The following AP3B1 variants were observed in gnomAD, a reference collection of about 807,000 sequenced individuals.
AP3B1 encodes the protein adaptor related protein complex 3 subunit beta 1.
AP3B1 carries 61 observed loss-of-function variants against 132.5 expected under a neutral mutation model. The observed-to-expected ratio is 0.46, with a 90% CI of 0.37 to 0.57. The LOEUF is 0.57. Ranked by LOEUF, AP3B1 falls within the 20% of genes least tolerant of loss-of-function variation. AP3B1 has a pLI of 0.00. For missense variants in AP3B1, 1,120 were observed against 1,289.4 expected, an observed-to-expected ratio of 0.87 and a Z score of 2.01; for synonymous variants, 388 against 438.3, an observed-to-expected ratio of 0.89 and a Z score of 1.43.
At position 78,168,751 on chromosome 5, in the gene AP3B1, T is replaced by C. The variant is rs532503946; in HGVS notation, c.1168-3079A>G. Among the ~76,000 whole-genome samples, 29 of 152,248 alleles carry C rather than the reference T, an allele frequency of 1.9e-4. No homozygotes were observed. The South Asian group carries it at 5.6e-3, about 29-fold the overall frequency. On this transcript the variant is annotated intron_variant, in intron 11 of 26. Coordinates refer to ENST00000255194, the MANE Select transcript of AP3B1 (RefSeq NM_003664.5). ...AAACTGATGCATTACTTTCACACAA[T>C]TGTCACTATGCACGTAAGTTTCAAT...
chr5:78,002,983 G>A lies in AP3B1; in HGVS notation c.3204C>T (p.Ala1068=). ...VTVELKEGST[A]QLIINTEKTV... Reference sequence around the variant, plus strand: ...TTTTCTCAGTGTTTATGATAAGCTGGGCTGTAGAGCCTTCCTTCAGTTCCA... The same window carrying A: ...TTTTCTCAGTGTTTATGATAAGCTGAGCTGTAGAGCCTTCCTTCAGTTCCA... Residue 1068 remains alanine, a synonymous_variant, in exon 27 of 27, where the codon GCC becomes GCT. Coordinates refer to ENST00000255194, the MANE Select transcript of AP3B1 (RefSeq NM_003664.5). 6.2e-7 allele frequency: 1 copy of A among 1,614,150 alleles called. No individual in the cohort carries two copies. The highest frequency in any genetic ancestry group is 8.5e-7 in the Non-Finnish European group (1 of 1,180,014).
chr5:78,236,486 C>T (rs910738714), intron 3 of AP3B1, among the ~76,000 whole-genome samples: 1 of 152,160 alleles, frequency 6.6e-6, no homozygotes, highest in Admixed American at 6.5e-5. Context: ...GCTGAATGGG[C>T]TAAGATGGGT....
At chr5:78,087,472 C>T in intron 22 of AP3B1, 2 of 928,914 alleles carry the variant, frequency 2.2e-6, no homozygotes, top group Non-Finnish European at 2.6e-6. Flanking sequence ...AGAGTTCTAG[C>T]ATTTTCTTTG....
chr5:78,279,689 G>A (rs768230907), intron 1 of AP3B1, among the ~76,000 whole-genome samples: 13 of 151,230 alleles, frequency 8.6e-5, no homozygotes, highest in Non-Finnish European at 1.5e-4. Flanking sequence ...CAGGAAGATC[G>A]CTTCAGCCCA....
At position 78,006,207 on chromosome 5, in the gene AP3B1, G is replaced by A. The variant is rs533404922; in HGVS notation, c.3132-3152C>T. Among the ~76,000 whole-genome samples, 50 of 152,296 alleles carry A rather than the reference G, an allele frequency of 3.3e-4. No individual in the cohort carries two copies. In the South Asian group the frequency reaches 4.2e-3, roughly 13 times the overall value. ...GAGGCAAGCGAGGCCCAGAGAAGTT[G>A]AAGAACTTCCTCAGGGCCACACACC... On this transcript the variant is annotated intron_variant, in intron 26 of 26. Coordinates refer to ENST00000255194, the MANE Select transcript of AP3B1 (RefSeq NM_003664.5).
chr5:78,221,519 G>A (rs1323636529), intron 6 of AP3B1, among the ~76,000 whole-genome samples: 1 of 151,810 alleles, frequency 6.6e-6, no homozygotes, highest in Admixed American at 6.6e-5. Context: ...AAGAAATCAA[G>A]AGAGCAAAAA....
intron 6 of AP3B1, among the ~76,000 whole-genome samples, chr5:78,223,254 G>A (rs1222611263): frequency 6.6e-6 from 1 of 151,842 alleles, no homozygotes; most frequent in Admixed American, 6.6e-5. Context: ...AATTACAGGT[G>A]TCAGTAAAAA....
In AP3B1 at chr5:78,294,679, G is replaced by A. The variant is rs899623821; in HGVS notation, c.-100C>T. On this transcript the variant is annotated 5_prime_UTR_variant, in exon 1 of 27. Transcript: ENST00000255194. ...GAACAAAACTAGTTCTCGTACGGAG[G>A]AGCGCGCGCAGGCGCTTCCGGACTC... 4 of 1,586,428 alleles carry A rather than the reference G, an allele frequency of 2.5e-6. No individual in the cohort carries two copies. The highest frequency in any genetic ancestry group is 4.5e-5 in the East Asian group (2 of 44,648).
intron 2 of AP3B1, among the ~76,000 whole-genome samples, chr5:78,241,202 T>TA (rs1323958916): frequency 7.1e-6 from 1 of 141,584 alleles, no homozygotes; most frequent in Non-Finnish European, 1.6e-5. Flanking sequence ...GGGTTATAAG[T>TA]AATTTTTTTT....
At chr5:78,163,615 G>A (rs899068499) in intron 12 of AP3B1, among the ~76,000 whole-genome samples, 58 of 143,826 alleles carry the variant, frequency 4.0e-4, no homozygotes, top group African/African-American at 1.3e-3. Flanking sequence ...GTGTGTGTGT[G>A]TATATATAGT....
At chr5:78,272,453 T>C (rs1748585229) in intron 1 of AP3B1, among the ~76,000 whole-genome samples, 1 of 152,220 alleles carries the variant, frequency 6.6e-6, no homozygotes, top group African/African-American at 2.4e-5. Flanking sequence ...TACTCTTCCA[T>C]CTTGAAATTC....
intron 2 of AP3B1, among the ~76,000 whole-genome samples, chr5:78,242,492 C>T (rs892920411): frequency 4.6e-5 from 7 of 152,142 alleles, no homozygotes; most frequent in African/African-American, 1.7e-4. Context: ...CTGCAACCTC[C>T]GCCTCCCGGG....
intron 22 of AP3B1, among the ~76,000 whole-genome samples, chr5:78,062,275 G>A (rs1187928845): frequency 6.6e-6 from 1 of 152,126 alleles, no homozygotes; most frequent in African/African-American, 2.4e-5. Context: ...TTTGTTAGTG[G>A]AGACAACATT....
chr5:78,190,480 T>C (rs1407337191), intron 7 of AP3B1, among the ~76,000 whole-genome samples: 1 of 152,218 alleles, frequency 6.6e-6, no homozygotes, highest in African/African-American at 2.4e-5. Context: ...TATTTGAATC[T>C]GTACTACTGT....
At chr5:78,143,660 TC>T (rs1347643791) in intron 14 of AP3B1, among the ~76,000 whole-genome samples, 2 of 152,080 alleles carry the variant, frequency 1.3e-5, no homozygotes, top group African/African-American at 4.8e-5. Context: ...CACTATGAAT[TC>T]ACAGCCACTA....
intron 22 of AP3B1, among the ~76,000 whole-genome samples, chr5:78,049,545 C>T (rs1748491758): frequency 6.6e-6 from 1 of 152,252 alleles, no homozygotes; most frequent in Middle Eastern, 3.4e-3. Flanking sequence ...CAGAAGCAGG[C>T]TCAGTAGGCT....
intron 24 of AP3B1, among the ~76,000 whole-genome samples, chr5:78,032,048 A>T (rs1747602551): frequency 6.6e-6 from 1 of 152,206 alleles, no homozygotes; most frequent in South Asian, 2.1e-4. Flanking sequence ...AATAAATTTA[A>T]TCAAGAACTT....
rs1745947457 is a variant in AP3B1, at chr5:78,216,060, T to C, written c.781A>G (p.Lys261Glu). The C allele has an allele frequency of 6.2e-7, 1 of 1,613,870 alleles. No individual in the cohort carries two copies. Among genetic ancestry groups the C allele is most frequent in the Non-Finnish European group, 8.5e-7 (1 of 1,179,866 alleles). Reference sequence around the variant, plus strand: ...GAAGACTGTTCAACACTTACCTCTTTCCAAGGGCTGACAAACTGTGTCCGA... The same window carrying C: ...GAAGACTGTTCAACACTTACCTCTTCCCAAGGGCTGACAAACTGTGTCCGA... ...YARTQFVSPW[K>E]EGDELEDNGK... Residue 261 changes from lysine (K) to glutamate (E), a missense_variant, in exon 7 of 27, where the codon AAA becomes GAA. Lys to Glu is a moderately conservative substitution (Grantham distance 56, BLOSUM62 1). Around this residue, in one of 3 missense-constraint regions of AP3B1, gnomAD observed 906 missense variants for 997.1 expected, o/e 0.91. Coordinates refer to ENST00000255194, the MANE Select transcript of AP3B1 (RefSeq NM_003664.5).
chr5:78,267,165 A>T (rs1469086294), intron 2 of AP3B1, among the ~76,000 whole-genome samples: 4 of 151,938 alleles, frequency 2.6e-5, no homozygotes, highest in Non-Finnish European at 4.4e-5. Flanking sequence ...TGAAAGGACA[A>T]AAAAAATCAT....
Sources: gnomAD v4.1 joint callset for allele counts (sites outside exome capture counted in the v4.1 genomes callset) on GRCh38, gnomAD v4.1.1 for gene constraint, gnomAD v4.1.1 regional missense constraint, MANE v1.5 for transcripts, NCBI Gene and HGNC (gene_info 2026-07-23, HGNC 2026-07-21) for gene names.